Variants in SLC8B1 observed in about 807,000 individuals in gnomAD.
SLC8B1 encodes the protein solute carrier family 8 member B1, also known as mitochondrial sodium/calcium exchanger protein.
In SLC8B1, 52 loss-of-function variants were observed where a neutral mutation model predicts 63.4. The ratio of observed to expected loss-of-function variants is 0.82; its 90% CI spans 0.66 to 1.03. The LOEUF is 1.03. SLC8B1 is among the 50% of genes least tolerant of loss of function. SLC8B1 has a pLI of 0.00. For missense variants in SLC8B1, 657 were observed against 741.7 expected, an observed-to-expected ratio of 0.89 and a Z score of 1.33; for synonymous variants, 336 against 323.9, an observed-to-expected ratio of 1.04 and a Z score of -0.40.
intron 8 of SLC8B1, among the ~76,000 whole-genome samples, chr12:113,318,419 T>A (rs985636958): frequency 6.8e-6 from 1 of 146,312 alleles, no homozygotes; most frequent in Non-Finnish European, 1.5e-5. Flanking sequence ...TATATTTGTA[T>A]GTGTGTTGTG....
intron 2 of SLC8B1, among the ~76,000 whole-genome samples, chr12:113,331,658 G>A (rs1319693248): frequency 1.3e-5 from 2 of 152,130 alleles, no homozygotes; most frequent in African/African-American, 2.4e-5. Context: ...CAGCTTCCCT[G>A]CTTTTGAGGT....
At chr12:113,333,086 A>G (rs2136873486) in intron 1 of SLC8B1, 126 bp from the exon 2 acceptor site, 2 of 617,748 alleles carry the variant, frequency 3.2e-6, no homozygotes, top group East Asian at 2.9e-5. Context: ...AAGCTGACGG[A>G]GAAACCATGT....
intron 12 of SLC8B1, among the ~76,000 whole-genome samples, chr12:113,309,524 CAGG>C (rs1483549138): frequency 1.3e-5 from 2 of 152,136 alleles, no homozygotes; most frequent in African/African-American, 2.4e-5. Context: ...GAAGCCGAGG[CAGG>C]AGGATTGCTT....
intron 1 of SLC8B1, 128 bp from the exon 2 acceptor site, chr12:113,333,088 A>G: frequency 1.6e-6 from 1 of 615,174 alleles, no homozygotes; most frequent in African/African-American, 1.8e-5. Context: ...GCTGACGGAG[A>G]AACCATGTTC....
In SLC8B1 at chr12:113,332,929, C is replaced by G. The variant is rs1248326227; in HGVS notation, c.-51G>C. On this transcript the variant is annotated 5_prime_UTR_variant, in exon 2 of 16. Coordinates refer to ENST00000680972, the MANE Select transcript of SLC8B1 (RefSeq NM_001358345.2). ...CTCTCCACTTCCCTTTCTGCAGTAG[C>G]TCAGTTCCAAACAGCTGGCGGCTCC... 4.4e-6 allele frequency: 7 copies of G among 1,597,330 alleles called. No individual in the cohort carries two copies. The highest frequency in any genetic ancestry group is 5.1e-6 in the Non-Finnish European group (6 of 1,173,866).
chr12:113,314,106 C>A (rs1298315428), intron 11 of SLC8B1, among the ~76,000 whole-genome samples: 1 of 152,238 alleles, frequency 6.6e-6, no homozygotes, highest in Non-Finnish European at 1.5e-5. Flanking sequence ...AAAGGCAAGG[C>A]TTCCCCGCTC....
At chr12:113,325,555 C>A (rs1956986461) in intron 2 of SLC8B1, among the ~76,000 whole-genome samples, 2 of 151,642 alleles carry the variant, frequency 1.3e-5, no homozygotes, top group African/African-American at 4.9e-5. Flanking sequence ...AACCACCAAA[C>A]CTGGCCTTAA....
Position 113,308,074 on chromosome 12 carries a change from G to A in SLC8B1, c.1258-230C>T, listed in dbSNP as rs113560390. 2,215 of 467,372 alleles carry A rather than the reference G, an allele frequency of 4.7e-3. 36 individuals carry two copies. Among genetic ancestry groups the A allele is most frequent in the African/African-American group, 0.043 (1,878 of 44,022 alleles). The allele number at this position is 467,372 out of a possible 1,614,324, so 29.0% of individuals were successfully genotyped here. ...ATAAACTCCCTTTCAGGCCGGGCAC[G>A]GTGGCTCACCGCCTGTAATCGCAGC... On this transcript the variant is annotated intron_variant, in intron 12 of 15. Coordinates refer to ENST00000680972, the MANE Select transcript of SLC8B1 (RefSeq NM_001358345.2).
rs1183534008 is a variant in SLC8B1 at position 113,305,876 on chromosome 12, T to G, written c.1492+619A>C. Among the ~76,000 whole-genome samples the G allele has an allele frequency of 6.6e-6, 1 of 151,824 alleles. No individual in the cohort carries two copies. On this transcript the variant is annotated intron_variant, in intron 14 of 15. Transcript: ENST00000680972. The surrounding 1 kb of genome is among the most constrained non-coding windows in gnomAD (Gnocchi z 4.3). ...GAGTTTGAGAACAGCCTGGCCAACA[T>G]AGTGAAACCCTGTCTCTACTAAAAA...
intron 2 of SLC8B1, among the ~76,000 whole-genome samples, chr12:113,325,754 T>TG (rs368681784): frequency 0.19 from 28,288 of 151,830 alleles, 3,118 homozygotes; most frequent in African/African-American, 0.32. Context: ...TTAGTAGAGA[T>TG]GGGTTTCACC....
At position 113,299,641 on chromosome 12, in the gene SLC8B1, C is replaced by A; in HGVS notation, c.*136G>T. The A allele has an allele frequency of 6.3e-6, 5 of 790,014 alleles. No homozygotes were observed. The highest frequency in any genetic ancestry group is 2.2e-5 in the Admixed American group (1 of 45,412). The allele number at this position is 790,014 out of a possible 1,614,324, so 48.9% of individuals were successfully genotyped here. On this transcript the variant is annotated 3_prime_UTR_variant, in exon 16 of 16. Transcript: ENST00000680972. The stretch of plus-strand genomic sequence containing the variant: ...AGTTCTCCCAGCTCACAGCAGTGAC[C>A]TCAGATCTCCAGCAGCAAGGGCCGC...
chr12:113,309,570 A>G (rs748354776), intron 12 of SLC8B1, among the ~76,000 whole-genome samples: 1 of 152,160 alleles, frequency 6.6e-6, no homozygotes, highest in Non-Finnish European at 1.5e-5. Flanking sequence ...TCTGGGCAAC[A>G]TAGTGAGACC....
intron 11 of SLC8B1, among the ~76,000 whole-genome samples, chr12:113,313,800 G>T (rs549751196): frequency 2.0e-5 from 3 of 151,596 alleles, no homozygotes; most frequent in African/African-American, 7.3e-5. Flanking sequence ...TTGAGAAGAT[G>T]GTCTGTGAAT....
intron 15 of SLC8B1, among the ~76,000 whole-genome samples, chr12:113,303,141 A>ACACACACACG (rs773636454): frequency 0.024 from 3,558 of 145,568 alleles, 63 homozygotes; most frequent in African/African-American, 0.043. Flanking sequence ...ACACACACAC[A>ACACACACACG]CGCGCGCGCA....
chr12:113,299,772 T>G lies in SLC8B1; in HGVS notation c.*5A>C. 6.2e-7 allele frequency: 1 copy of G among 1,613,968 alleles called. No individual in the cohort carries two copies. The highest frequency in any genetic ancestry group is 2.2e-5 in the East Asian group (1 of 44,884). On this transcript the variant is annotated 3_prime_UTR_variant, in exon 16 of 16. Coordinates refer to ENST00000680972, the MANE Select transcript of SLC8B1 (RefSeq NM_001358345.2). ...CAGTGAGGCCACAGCACTAAGCGGC[T>G]TCAGTCACATGCTTTTCAGGTGAAT...
At chr12:113,316,465 A>C in intron 10 of SLC8B1, 61 bp downstream of exon 10, 1 of 1,578,618 alleles carries the variant, frequency 6.3e-7, no homozygotes, top group Non-Finnish European at 8.6e-7. Flanking sequence ...TGGAGAGGGT[A>C]GCGTGGCCAC....
chr12:113,300,198 C>T (rs916667695), intron 15 of SLC8B1, among the ~76,000 whole-genome samples: 15 of 152,218 alleles, frequency 9.9e-5, no homozygotes, highest in African/African-American at 3.4e-4. Flanking sequence ...GCAATCTCAG[C>T]CGAGCACAGT....
At chr12:113,307,921 C>A in intron 12 of SLC8B1, 77 bp from the exon 13 acceptor site, 1 of 1,535,824 alleles carries the variant, frequency 6.5e-7, no homozygotes, top group South Asian at 1.2e-5. Context: ...ACCTGTGAAA[C>A]GGGATGATAA....
At chr12:113,316,915 C>A in intron 9 of SLC8B1, 27 bp downstream of exon 9, 1 of 1,610,930 alleles carries the variant, frequency 6.2e-7, no homozygotes, top group Non-Finnish European at 8.5e-7. Flanking sequence ...TACCGCCACC[C>A]TGGCTGGGCA....
Sources: gnomAD v4.1 joint callset for allele counts (sites outside exome capture counted in the v4.1 genomes callset) on GRCh38, gnomAD v4.1.1 for gene constraint, Gnocchi (gnomAD v3.1) non-coding constraint, MANE v1.5 for transcripts, NCBI Gene and HGNC (gene_info 2026-07-23, HGNC 2026-07-21) for gene names.